RASSF3: variants seen among roughly 807,000 people sequenced by gnomAD.
The protein encoded by RASSF3 is ras association domain-containing protein 3.
In RASSF3, 19 loss-of-function variants were observed where a neutral mutation model predicts 19.9. The ratio of observed to expected loss-of-function variants is 0.96; its 90% CI spans 0.67 to 1.40. RASSF3 has a LOEUF of 1.40. RASSF3 is among the 40% of genes most tolerant of loss of function. The pLI is 0.00. For missense variants in RASSF3, 306 were observed against 289.8 expected (o/e 1.06, Z -0.41); for synonymous variants, 110 against 104.2 (o/e 1.06, Z -0.34).
intron 2 of RASSF3, among the ~76,000 whole-genome samples, chr12:64,551,123 G>A (rs1869153241): frequency 6.6e-6 from 1 of 152,050 alleles, no homozygotes; most frequent in South Asian, 2.1e-4. Context: ...ATGGCCACTA[G>A]ACTTACTTCT....
chr12:64,601,007 G>C (rs1045767684), intron 2 of RASSF3, among the ~76,000 whole-genome samples: 1 of 152,048 alleles, frequency 6.6e-6, no homozygotes, highest in African/African-American at 2.4e-5. Context: ...ACTATTTTAG[G>C]CTGGGTGCAG....
intron 1 of RASSF3, among the ~76,000 whole-genome samples, chr12:64,625,394 A>G (rs2136168198): frequency 6.6e-6 from 1 of 152,020 alleles, no homozygotes; most frequent in South Asian, 2.1e-4. Flanking sequence ...GACATATGAA[A>G]GTGTGGTTTT....
chr12:64,515,070 T>C (rs976298062), intron 1 of RASSF3, among the ~76,000 whole-genome samples: 2 of 152,078 alleles, frequency 1.3e-5, no homozygotes, highest in African/African-American at 4.8e-5. Context: ...TTTATTTTTT[T>C]CTTTGAGACA....
At chr12:64,677,386 A>G (rs1266268579) in intron 1 of RASSF3, among the ~76,000 whole-genome samples, 1 of 152,132 alleles carries the variant, frequency 6.6e-6, no homozygotes, top group Non-Finnish European at 1.5e-5. Flanking sequence ...TGCCTACTTT[A>G]TTATTTTAAA....
chr12:64,630,974 G>C (rs978295992), intron 1 of RASSF3, among the ~76,000 whole-genome samples: 3 of 152,214 alleles, frequency 2.0e-5, no homozygotes, highest in African/African-American at 7.2e-5. Flanking sequence ...TGAGATGTCT[G>C]TGGGCTATCA....
chr12:64,661,681 T>C (rs35705715), intron 1 of RASSF3, among the ~76,000 whole-genome samples: 14,203 of 128,640 alleles, frequency 0.11, 803 homozygotes, highest in East Asian at 0.25. Flanking sequence ...CTTTTTCTTT[T>C]TTTTTTTTTT....
At chr12:64,606,884 ATT>A (rs1870203208), upstream of RASSF3, among the ~76,000 whole-genome samples, 1 of 152,178 alleles carries the variant, frequency 6.6e-6, no homozygotes, top group South Asian at 2.1e-4. Flanking sequence ...CCTTCCCTGA[ATT>A]TGAAATGTTA....
intron 1 of RASSF3, among the ~76,000 whole-genome samples, chr12:64,512,607 G>A (rs1394898031): frequency 1.3e-5 from 2 of 152,082 alleles, no homozygotes. Context: ...CTTACTAATG[G>A]TTTAACGATA....
chr12:64,540,919 T>C (rs768101027), intron 1 of RASSF3, among the ~76,000 whole-genome samples: 1 of 151,342 alleles, frequency 6.6e-6, no homozygotes, highest in Non-Finnish European at 1.5e-5. Flanking sequence ...TACAGGTGTG[T>C]GCCACCACAC....
chr12:64,674,036 C>T (rs1872792890), intron 1 of RASSF3, among the ~76,000 whole-genome samples: 1 of 152,092 alleles, frequency 6.6e-6, no homozygotes, highest in South Asian at 2.1e-4. Context: ...AGATGAAGCT[C>T]TTTTAATGTG....
intron 1 of RASSF3, among the ~76,000 whole-genome samples, chr12:64,535,367 C>T (rs1054478849): frequency 1.3e-5 from 2 of 151,936 alleles, no homozygotes; most frequent in African/African-American, 4.8e-5. Context: ...AAATAGCTCC[C>T]CTTTTTTCTT....
intron 1 of RASSF3, among the ~76,000 whole-genome samples, chr12:64,641,402 G>GCACACACACACACACACACACACACACA (rs1555213814): frequency 4.9e-5 from 5 of 102,678 alleles, no homozygotes; most frequent in African/African-American, 1.5e-4. Context: ...TCTCACAGGC[G>GCACACACACACACACACACACACACACA]CACACACACA....
chr12:64,688,344 C>A lies in RASSF3; in HGVS notation c.348C>A (p.Ser116Arg). 1.9e-6 allele frequency: 3 copies of A among 1,614,174 alleles called. No individual in the cohort carries two copies. Among genetic ancestry groups the A allele is most frequent in the Non-Finnish European group, 2.5e-6 (3 of 1,180,002 alleles). ...GCTGTATGAATACACTTCATATCAG[C>A]AGCACAAACACTGTCGGGGAAGTGA... ...SNGCMNTLHISSTNTVGEVIE... is the reference protein window; with the variant it reads ...SNGCMNTLHIRSTNTVGEVIE... The change falls in exon 3 of 5, where the codon AGC becomes AGA. Residue 116 changes from serine to arginine, a missense_variant. Physicochemically the swap from Ser to Arg is moderately radical, Grantham distance 110. Transcript: ENST00000542104.
chr12:64,517,370 G>A (rs61933213), intron 1 of RASSF3, among the ~76,000 whole-genome samples: 40,357 of 151,418 alleles, frequency 0.27, 6,262 homozygotes, highest in Non-Finnish European at 0.33. Context: ...AAATATTTTG[G>A]GGGAAACAAA....
chr12:64,657,458 A>G (rs1157607955), intron 1 of RASSF3, among the ~76,000 whole-genome samples: 1 of 152,244 alleles, frequency 6.6e-6, no homozygotes, highest in Non-Finnish European at 1.5e-5. Context: ...ACAATAAAGT[A>G]AATTTTTAAA....
chr12:64,690,977 C>T (rs559469942), intron 3 of RASSF3, among the ~76,000 whole-genome samples: 46 of 152,252 alleles, frequency 3.0e-4, no homozygotes, highest in Admixed American at 1.6e-3. Flanking sequence ...TCTCCTGCCT[C>T]GGCCTCCCAA....
intron 1 of RASSF3, among the ~76,000 whole-genome samples, chr12:64,682,246 C>A (rs892354370): frequency 2.6e-5 from 4 of 152,044 alleles, no homozygotes; most frequent in African/African-American, 7.2e-5. Context: ...TAGACTTCAC[C>A]AGGATGGTGC....
intron 1 of RASSF3, among the ~76,000 whole-genome samples, chr12:64,632,562 A>G (rs1147107): frequency 0.36 from 54,879 of 151,792 alleles, 10,138 homozygotes; most frequent in African/African-American, 0.41. Context: ...CACCTGATCG[A>G]CCAGGGTGAG....
chr12:64,684,711 G>T (rs1016849805), intron 1 of RASSF3, 76 bp from the exon 2 acceptor site: 10 of 930,124 alleles, frequency 1.1e-5, no homozygotes, highest in Non-Finnish European at 1.8e-5. Flanking sequence ...GATTACAGGC[G>T]TGAGCCACTG....
Sources: gnomAD v4.1 joint callset for allele counts (sites outside exome capture counted in the v4.1 genomes callset) on GRCh38, gnomAD v4.1.1 for gene constraint, MANE v1.5 for transcripts, NCBI Gene and HGNC (gene_info 2026-07-23, HGNC 2026-07-21) for gene names.